The following DSCAM variants were observed in gnomAD, a reference collection of about 807,000 sequenced individuals.
DSCAM encodes the protein DS cell adhesion molecule.
Under a neutral mutation model 217.7 loss-of-function variants are expected in DSCAM, and 47 were observed. The observed-to-expected ratio is 0.22, with a 90% CI of 0.17 to 0.28. The LOEUF is 0.28. DSCAM is among the 10% of genes least tolerant of loss of function. The pLI, the probability that DSCAM is intolerant of heterozygous loss-of-function variation, is 1.00. For synonymous variants in DSCAM, 1,056 were observed against 1,015.3 expected (o/e 1.04, Z -0.76); for missense variants, 2,080 against 2,618.3 (o/e 0.79, Z 4.49).
intron 11 of DSCAM, among the ~76,000 whole-genome samples, chr21:40,209,576 A>T (rs2091162202): frequency 6.6e-6 from 1 of 152,006 alleles, no homozygotes; most frequent in Non-Finnish European, 1.5e-5. Context: ...ATCCCCTTAC[A>T]ATCAACATGA....
intron 8 of DSCAM, among the ~76,000 whole-genome samples, chr21:40,316,634 T>G (rs74351971): frequency 0.036 from 5,553 of 152,198 alleles, 216 homozygotes; most frequent in African/African-American, 0.097. Context: ...AAATCCTGAA[T>G]ATGACACACA....
chr21:40,640,475 T>C (rs1185264385), intron 3 of DSCAM, among the ~76,000 whole-genome samples: 5 of 152,218 alleles, frequency 3.3e-5, no homozygotes, highest in South Asian at 4.1e-4. Context: ...GCCATCTGTG[T>C]CTTCATTTGT....
intron 29 of DSCAM, among the ~76,000 whole-genome samples, chr21:40,054,009 T>TA (rs2088975145): frequency 6.6e-6 from 1 of 152,260 alleles, no homozygotes. Context: ...CTATGTTGGC[T>TA]GGAAGGGTTA....
intron 15 of DSCAM, among the ~76,000 whole-genome samples, chr21:40,169,432 G>A (rs76049979): frequency 5.3e-5 from 8 of 152,210 alleles, no homozygotes; most frequent in East Asian, 3.9e-4. Context: ...GCACTAAGGC[G>A]CTCTATCAAG....
chr21:40,579,802 G>T lies in DSCAM; in HGVS notation c.508+113008C>A, dbSNP rs565139012. ...GATGTTTTCAGATATAAGAATAAAA[G>T]AATGTACTACTATCAGACCTTCACC... On this transcript the variant is annotated intron_variant, in intron 3 of 32. Transcript: ENST00000400454. 9.9e-5 allele frequency among the ~76,000 whole-genome samples: 15 copies of T among 151,222 alleles called. No homozygotes were observed. The South Asian group carries it at 2.3e-3, about 23-fold the overall frequency.
intron 3 of DSCAM, among the ~76,000 whole-genome samples, chr21:40,489,731 C>T (rs2076059395): frequency 1.5e-5 from 2 of 131,058 alleles, no homozygotes; most frequent in African/African-American, 2.9e-5. Context: ...GCCGAGATCC[C>T]GCCACTGCAC....
At chr21:40,685,665 A>G (rs1476187568) in intron 3 of DSCAM, among the ~76,000 whole-genome samples, 1 of 152,150 alleles carries the variant, frequency 6.6e-6, no homozygotes, top group Admixed American at 6.5e-5. Flanking sequence ...CTTTTGCTCC[A>G]TAGCCTTCTC....
intron 3 of DSCAM, among the ~76,000 whole-genome samples, chr21:40,585,157 G>C (rs1380118798): frequency 6.8e-6 from 1 of 147,394 alleles, no homozygotes. Context: ...GCAGCCTGTA[G>C]AACCGCGAGA....
rs140992197 is a variant in DSCAM, at chr21:40,436,551, C to T, written c.509-67306G>A. ...ATTAAGATAGATTCTTAACTCTCCA[C>T]TGAGTTTGTCTCTTATTGACCCAGA... On this transcript the variant is annotated intron_variant, in intron 3 of 32. Coordinates refer to ENST00000400454, the MANE Select transcript of DSCAM (RefSeq NM_001389.5). 2.8e-3 allele frequency among the ~76,000 whole-genome samples: 432 copies of T among 152,304 alleles called. 4 individuals are homozygous for T. The highest frequency in any genetic ancestry group is 0.014 in the Middle Eastern group (4 of 294).
intron 9 of DSCAM, among the ~76,000 whole-genome samples, chr21:40,306,685 C>A (rs1045325271): frequency 3.6e-4 from 54 of 152,012 alleles, no homozygotes; most frequent in African/African-American, 1.3e-3. Flanking sequence ...GCCTTTTCTG[C>A]ATCTATTGAG....
chr21:40,823,430 T>C (rs1322743261), intron 1 of DSCAM, among the ~76,000 whole-genome samples: 1 of 152,200 alleles, frequency 6.6e-6, no homozygotes, highest in Admixed American at 6.5e-5. Context: ...TTTAAGGCTT[T>C]CAAAACTCAC....
chr21:40,080,802 C>A (rs1015887917), intron 24 of DSCAM, among the ~76,000 whole-genome samples: 7 of 152,182 alleles, frequency 4.6e-5, no homozygotes, highest in Non-Finnish European at 1.0e-4. Context: ...CCTGGTCTCA[C>A]AGTTCACAGA....
At chr21:40,580,951 C>T (rs554850864) in intron 3 of DSCAM, among the ~76,000 whole-genome samples, 1 of 151,970 alleles carries the variant, frequency 6.6e-6, no homozygotes, top group East Asian at 1.9e-4. Flanking sequence ...ATTTAAGAAG[C>T]GAGAAGAATG....
chr21:40,654,975 A>G (rs1360614773), intron 3 of DSCAM, among the ~76,000 whole-genome samples: 2 of 152,148 alleles, frequency 1.3e-5, no homozygotes, highest in African/African-American at 4.8e-5. Flanking sequence ...TCAGCTGTGG[A>G]GATACTCTCA....
intron 1 of DSCAM, among the ~76,000 whole-genome samples, chr21:40,784,845 T>C (rs1332060424): frequency 6.6e-6 from 1 of 152,222 alleles, no homozygotes; most frequent in Non-Finnish European, 1.5e-5. Context: ...CCTCCAGTAC[T>C]GTGGGGGGAG....
intron 32 of DSCAM, among the ~76,000 whole-genome samples, chr21:40,040,793 G>T (rs988486717): frequency 2.0e-5 from 3 of 152,126 alleles, no homozygotes; most frequent in Admixed American, 1.3e-4. Flanking sequence ...AGCTGAGAAC[G>T]CCTATACAAC....
At chr21:40,150,472 T>G (rs1260100742) in intron 16 of DSCAM, among the ~76,000 whole-genome samples, 6 of 152,236 alleles carry the variant, frequency 3.9e-5, no homozygotes, top group Non-Finnish European at 8.8e-5. Context: ...AAGAAATCCT[T>G]GTGGATGTAT....
intron 11 of DSCAM, among the ~76,000 whole-genome samples, chr21:40,217,574 C>A (rs527276048): frequency 7.9e-5 from 12 of 152,268 alleles, no homozygotes; most frequent in African/African-American, 2.9e-4. Flanking sequence ...TGACTCTCCC[C>A]ACTCAAGTCT....
At chr21:40,463,645 T>C (rs1290626723) in intron 3 of DSCAM, among the ~76,000 whole-genome samples, 1 of 152,102 alleles carries the variant, frequency 6.6e-6, no homozygotes, top group Non-Finnish European at 1.5e-5. Flanking sequence ...AAAGAGAAGG[T>C]CCATCCTTGG....
Sources: gnomAD v4.1 joint callset for allele counts (sites outside exome capture counted in the v4.1 genomes callset) on GRCh38, gnomAD v4.1.1 for gene constraint, MANE v1.5 for transcripts, NCBI Gene and HGNC (gene_info 2026-07-23, HGNC 2026-07-21) for gene names.